PRIM1: variants seen among roughly 807,000 people sequenced by gnomAD.
The protein encoded by PRIM1 is DNA primase small subunit.
A neutral mutation model predicts 60.2 loss-of-function variants in PRIM1; 38 were observed. The ratio of observed to expected loss-of-function variants is 0.63; its 90% confidence interval spans 0.49 to 0.83. The LOEUF (loss-of-function observed/expected upper bound fraction) is 0.83. Among genes scored for constraint, PRIM1 ranks in the 40% least tolerant of loss-of-function variants. PRIM1 has a pLI of 0.00. For missense variants in PRIM1, 388 were observed against 506.2 expected (o/e 0.77, Z 2.24); for synonymous variants, 158 against 160.2 (o/e 0.99, Z 0.10).
intron 2 of PRIM1, among the ~76,000 whole-genome samples, chr12:56,748,193 G>A (rs1328336340): frequency 6.6e-6 from 1 of 152,132 alleles, no homozygotes; most frequent in East Asian, 1.9e-4. Flanking sequence ...ATTGAAGAGT[G>A]TGTTGTATTG....
At chr12:56,741,977 G>A in intron 7 of PRIM1, 140 bp from the exon 8 acceptor site, 1 of 871,858 alleles carries the variant, frequency 1.1e-6, no homozygotes, top group East Asian at 2.5e-5. Context: ...TGTTGACTGG[G>A]CGTGGTGGCT....
In PRIM1 at chr12:56,751,151, T is replaced by C. The variant is rs776934596; in HGVS notation, c.148A>G (p.Lys50Glu). The C allele has an allele frequency of 6.4e-7, 1 of 1,567,354 alleles. No individual in the cohort carries two copies. The highest frequency in any genetic ancestry group is 8.7e-7 in the Non-Finnish European group (1 of 1,155,162). ...TGGTAGCGAATGTAAATATCATCTT[T>C]CAATGTGAATGAAAATTCACGGTGT... ...FQHREFSFTL[K>E]DDIYIRYQSF... Residue 50 changes from lysine (K) to glutamate (E), a missense_variant, in exon 2 of 13, where the codon AAA (lysine) becomes GAA (glutamate). Lys to Glu is a moderately conservative substitution (Grantham distance 56). Around this residue, in one of 3 missense-constraint regions of PRIM1, gnomAD observed 156 missense variants for 175.8 expected, o/e 0.89. Coordinates refer to ENST00000338193, the MANE Select transcript of PRIM1 (RefSeq NM_000946.3).
chr12:56,748,343 C>T (rs1592335744), intron 2 of PRIM1, among the ~76,000 whole-genome samples: 1 of 152,166 alleles, frequency 6.6e-6, no homozygotes, highest in South Asian at 2.1e-4. Context: ...ATAATCTGAA[C>T]AGGGCTGGGC....
intron 9 of PRIM1, among the ~76,000 whole-genome samples, chr12:56,741,065 T>C (rs1430427144): frequency 6.6e-6 from 1 of 152,138 alleles, no homozygotes; most frequent in Non-Finnish European, 1.5e-5. Flanking sequence ...TTGCCCACCT[T>C]GCCCTCCTCA....
intron 9 of PRIM1, 119 bp from the exon 10 acceptor site, chr12:56,739,482 T>C (rs1358767629): frequency 1.7e-5 from 10 of 572,936 alleles, no homozygotes; most frequent in African/African-American, 7.5e-5. Context: ...GTTAAACTTA[T>C]CTGTTAAGAA....
chr12:56,740,979 A>C (rs1249591307), intron 9 of PRIM1, among the ~76,000 whole-genome samples: 10 of 151,972 alleles, frequency 6.6e-5, no homozygotes, highest in Non-Finnish European at 1.5e-4. Flanking sequence ...ACGTCTAGCT[A>C]ATTTTTGTAT....
rs1292881321 is a variant in PRIM1, at chr12:56,739,337, G to T, written c.1009C>A (p.Gln337Lys). 2 of 1,580,916 alleles carry T rather than the reference G, an allele frequency of 1.3e-6. No homozygotes were observed. The highest frequency in any genetic ancestry group is 4.5e-5 in the East Asian group (2 of 44,154). The change falls in exon 10 of 13, where the codon CAG becomes AAG. Residue 337 changes from glutamine (Q) to lysine (K), a missense_variant. By Grantham distance (53) the Gln-to-Lys change is moderately conservative. Around this residue, in one of 3 missense-constraint regions of PRIM1, gnomAD observed 211 missense variants for 277.9 expected, o/e 0.76. Coordinates refer to ENST00000338193, the MANE Select transcript of PRIM1 (RefSeq NM_000946.3). The stretch of plus-strand genomic sequence containing the variant: ...AATGGATCAAACTGGTCCACTTTCT[G>T]CAAATCAATAGGCACAGATATGCGA... ...TGRISVPIDLQKVDQFDPFTV... is the reference protein window; with the variant it reads ...TGRISVPIDLKKVDQFDPFTV...
intron 6 of PRIM1, 187 bp downstream of exon 6, chr12:56,743,878 A>T (rs1953888951): frequency 2.2e-6 from 1 of 449,244 alleles, no homozygotes; most frequent in African/African-American, 2.0e-5. Flanking sequence ...GGTTTTTTTG[A>T]AGAGCAATGA....
chr12:56,743,466 A>G (rs1235339953), intron 6 of PRIM1: 4 of 162,334 alleles, frequency 2.5e-5, no homozygotes, highest in Admixed American at 6.4e-5. Flanking sequence ...GCTTGTATTA[A>G]TATCTCAACA....
intron 2 of PRIM1, among the ~76,000 whole-genome samples, chr12:56,749,484 G>A (rs963487177): frequency 3.9e-5 from 6 of 152,328 alleles, no homozygotes; most frequent in Admixed American, 3.9e-4. Flanking sequence ...TAAGGAGAAG[G>A]AAGTAGAGAG....
At chr12:56,743,159 A>G in intron 6 of PRIM1, 63 bp from the exon 7 acceptor site, 1 of 1,411,772 alleles carries the variant, frequency 7.1e-7, no homozygotes, top group Non-Finnish European at 9.2e-7. Context: ...CCACATAGGT[A>G]TTGCTGCCAT....
chr12:56,735,561 T>C (rs939266591), intron 11 of PRIM1, among the ~76,000 whole-genome samples: 10 of 152,102 alleles, frequency 6.6e-5, no homozygotes, highest in African/African-American at 2.2e-4. Context: ...AGCTGGCTAA[T>C]TTTTTATTTT....
Position 56,746,039 on chromosome 12 carries a change from T to A in PRIM1, c.579+6A>T, listed in dbSNP as rs1246150231. The A allele has an allele frequency of 1.3e-6, 2 of 1,599,794 alleles. No individual in the cohort carries two copies. Among genetic ancestry groups the A allele is most frequent in the Non-Finnish European group, 1.7e-6 (2 of 1,175,780 alleles). Reference sequence around the variant, plus strand: ...GCAATGCAAATTAGAATTAAGAGGATCTTACCTTTACAAGGCTCAAATACT... The same window carrying A: ...GCAATGCAAATTAGAATTAAGAGGAACTTACCTTTACAAGGCTCAAATACT... On this transcript the variant is annotated splice_donor_region_variant and intron_variant, in intron 5 of 12. Coordinates refer to ENST00000338193, the MANE Select transcript of PRIM1 (RefSeq NM_000946.3).
At chr12:56,738,373 A>G in intron 11 of PRIM1, 61 bp downstream of exon 11, 1 of 1,526,228 alleles carries the variant, frequency 6.6e-7, no homozygotes, top group Non-Finnish European at 8.8e-7. Context: ...TACTGGAGTG[A>G]CAGATGGATA....
At chr12:56,732,184 T>G (rs1230699028) in intron 12 of PRIM1, among the ~76,000 whole-genome samples, 1 of 152,224 alleles carries the variant, frequency 6.6e-6, no homozygotes, top group African/African-American at 2.4e-5. Flanking sequence ...ATACATATGC[T>G]CATATGTCTC....
rs748891516 is a variant in PRIM1 at position 56,741,496 on chromosome 12, G to A, written c.921C>T (p.Ile307=). 4.3e-6 allele frequency: 7 copies of A among 1,613,664 alleles called. No individual in the cohort carries two copies. The South Asian group carries it at 6.6e-5, about 15-fold the overall frequency. The change falls in exon 9 of 13, where the codon ATC becomes ATT. Residue 307 remains isoleucine (I), a synonymous_variant. Transcript: ENST00000338193. The stretch of plus-strand genomic sequence containing the variant: ...GATGATTGATTCCTTTGCTGACATT[G>A]ATATCCAGCCGTGGAAAACAGTACT... ...MLQYCFPRLD[I]NVSKGINHLL...
intron 4 of PRIM1, chr12:56,746,514 C>G: frequency 1.8e-6 from 1 of 560,808 alleles, no homozygotes; most frequent in Non-Finnish European, 3.2e-6. Flanking sequence ...GCCTGTAGTC[C>G]CAGCTACTCA....
At chr12:56,743,235 T>C in intron 6 of PRIM1, 139 bp from the exon 7 acceptor site, 1 of 1,003,708 alleles carries the variant, frequency 1.0e-6, no homozygotes, top group East Asian at 3.2e-5. Context: ...ATGGGAATAC[T>C]ACCCTGTGCA....
chr12:56,741,371 T>C, intron 9 of PRIM1, 64 bp downstream of exon 9: 1 of 1,489,470 alleles, frequency 6.7e-7, no homozygotes, highest in Non-Finnish European at 9.1e-7. Flanking sequence ...CCTAATGCCA[T>C]GCTTACTAAA....
Sources: gnomAD v4.1 joint callset for allele counts (sites outside exome capture counted in the v4.1 genomes callset) on GRCh38, gnomAD v4.1.1 for gene constraint, gnomAD v4.1.1 regional missense constraint, MANE v1.5 for transcripts, NCBI Gene and HGNC (gene_info 2026-07-23, HGNC 2026-07-21) for gene names.